SUZ12: variants seen among roughly 807,000 people sequenced by gnomAD.
The protein encoded by SUZ12 is polycomb protein SUZ12.
In SUZ12, 17 loss-of-function variants were observed where a neutral mutation model predicts 87.3. The ratio of observed to expected loss-of-function variants is 0.19; its 90% CI spans 0.13 to 0.29. SUZ12 has a LOEUF of 0.29. Ranked by LOEUF, SUZ12 falls within the 10% of genes least tolerant of loss-of-function variation. The probability of loss-of-function intolerance (pLI) is 1.00; values close to 1 mark genes in which losing one functional copy is unlikely to be tolerated. For missense variants in SUZ12, 526 were observed against 912.2 expected, an observed-to-expected ratio of 0.58 and a Z score of 5.45; for synonymous variants, 253 against 312.4, an observed-to-expected ratio of 0.81 and a Z score of 2.01.
chr17:31,985,158 CAAAAAAAAAA>C (rs34227080), intron 9 of SUZ12, among the ~76,000 whole-genome samples: 5 of 72,868 alleles, frequency 6.9e-5, no homozygotes, highest in South Asian at 4.6e-4. Flanking sequence ...GACTCTGTCT[CAAAAAAAAAA>C]AAAAAAAAAA....
chr17:31,958,449 G>A (rs527759854), intron 4 of SUZ12, among the ~76,000 whole-genome samples: 3 of 152,150 alleles, frequency 2.0e-5, no homozygotes, highest in Non-Finnish European at 4.4e-5. Context: ...GGTGACTCAC[G>A]CCTGTATCCC....
intron 4 of SUZ12, among the ~76,000 whole-genome samples, chr17:31,963,589 C>CGAGTTCAAGT (rs1255641777): frequency 6.6e-6 from 1 of 151,952 alleles, no homozygotes; most frequent in East Asian, 1.9e-4. Context: ...CTCCGCCCTC[C>CGAGTTCAAGT]GAGTTCAAGT....
chr17:31,957,561 G>A (rs1209662073), intron 4 of SUZ12, among the ~76,000 whole-genome samples: 1 of 151,922 alleles, frequency 6.6e-6, no homozygotes, highest in East Asian at 1.9e-4. Flanking sequence ...ACAGGTGCCT[G>A]CCACCACGCC....
chr17:31,951,060 G>A (rs1390869986), intron 4 of SUZ12, among the ~76,000 whole-genome samples: 2 of 152,144 alleles, frequency 1.3e-5, no homozygotes, highest in African/African-American at 2.4e-5. Flanking sequence ...GATTACAGGC[G>A]TGAGCCACCG....
intron 6 of SUZ12, among the ~76,000 whole-genome samples, chr17:31,974,800 C>T (rs1345280419): frequency 1.3e-5 from 2 of 152,100 alleles, no homozygotes; most frequent in African/African-American, 4.8e-5. Context: ...AAAGAAGTAG[C>T]TGCTGTAAGA....
chr17:31,946,678 G>C (rs140016041), intron 3 of SUZ12, among the ~76,000 whole-genome samples: 1,534 of 152,290 alleles, frequency 0.01, 10 homozygotes, highest in Middle Eastern at 0.024. Context: ...TAAAGAGGAA[G>C]GGACTATATG....
At chr17:31,943,359 TAC>T (rs1567811638) in intron 3 of SUZ12, among the ~76,000 whole-genome samples, 1 of 152,192 alleles carries the variant, frequency 6.6e-6, no homozygotes, top group African/African-American at 2.4e-5. Context: ...AGAAAAAATT[TAC>T]AGTTTTTTAA....
chr17:31,945,082 A>G (rs1266121702), intron 3 of SUZ12, among the ~76,000 whole-genome samples: 1 of 150,850 alleles, frequency 6.6e-6, no homozygotes, highest in Non-Finnish European at 1.5e-5. Flanking sequence ...AAAAAAAAAA[A>G]AAGTATGGGA....
Position 31,939,545 on chromosome 17 carries a change from G to A in SUZ12, c.275-741G>A, listed in dbSNP as rs182519395. 4.0e-5 allele frequency among the ~76,000 whole-genome samples: 6 copies of A among 148,370 alleles called. No homozygotes were observed. The East Asian group carries it at 5.9e-4, about 15-fold the overall frequency. On this transcript the variant is annotated intron_variant, in intron 1 of 15. Transcript: ENST00000322652. ...ACAATTTTTTTTTTTTTTTTGAGACGAAGTTTCGCTCTTTATTGCCCAGGC... is the reference window on the plus strand; with the variant it reads ...ACAATTTTTTTTTTTTTTTTGAGACAAAGTTTCGCTCTTTATTGCCCAGGC...
intron 4 of SUZ12, among the ~76,000 whole-genome samples, chr17:31,951,589 T>C (rs1345080797): frequency 2.6e-5 from 4 of 151,782 alleles, no homozygotes; most frequent in Non-Finnish European, 1.5e-5. Context: ...TTCACGCCAT[T>C]CTGCCTCAGC....
At chr17:31,955,011 G>GTT (rs1907225777) in intron 4 of SUZ12, among the ~76,000 whole-genome samples, 1 of 152,150 alleles carries the variant, frequency 6.6e-6, no homozygotes. Flanking sequence ...CTAAGAGGTG[G>GTT]GGTCTTGTTC....
intron 3 of SUZ12, among the ~76,000 whole-genome samples, chr17:31,944,812 ATATTTATTTGAGCG>A: frequency 6.6e-6 from 1 of 152,292 alleles, no homozygotes; most frequent in Middle Eastern, 3.4e-3. Flanking sequence ...GTGCAAGATT[ATATTTATTTGAGCG>A]TATCAAGTGA....
Position 31,937,431 on chromosome 17 carries a change from C to G in SUZ12, c.185C>G (p.Ala62Gly). 1.3e-6 allele frequency: 2 copies of G among 1,542,322 alleles called. No individual in the cohort carries two copies. Among genetic ancestry groups the G allele is most frequent in the Non-Finnish European group, 1.7e-6 (2 of 1,144,730 alleles). ...YSASSSSSAAAAAGAAVLPVK... is the reference protein window; with the variant it reads ...YSASSSSSAAGAAGAAVLPVK... ...GCCTCCTCCTCCTCCTCCGCGGCGG[C>G]AGCGGCGGGGGCTGCGGTGTTACCG... is the stretch of plus-strand genomic sequence containing the variant. Residue 62 changes from alanine to glycine, a missense_variant, in exon 1 of 16, where the codon GCA (alanine) becomes GGA (glycine). Physicochemically the swap from Ala to Gly is moderately conservative, Grantham distance 60. Coordinates refer to ENST00000322652, the MANE Select transcript of SUZ12 (RefSeq NM_015355.4).
At chr17:31,985,525 G>A (rs1210264371) in intron 9 of SUZ12, among the ~76,000 whole-genome samples, 3 of 151,468 alleles carry the variant, frequency 2.0e-5, no homozygotes, top group Non-Finnish European at 2.9e-5. Flanking sequence ...TATACTGTTT[G>A]GGTTTTCTGC....
At chr17:31,945,327 C>T (rs1214093607) in intron 3 of SUZ12, among the ~76,000 whole-genome samples, 1 of 152,102 alleles carries the variant, frequency 6.6e-6, no homozygotes, top group Non-Finnish European at 1.5e-5. Flanking sequence ...TAAAGTCATA[C>T]TCTCAGTCGT....
chr17:31,949,389 T>C (rs1906811296), intron 4 of SUZ12, among the ~76,000 whole-genome samples: 1 of 152,156 alleles, frequency 6.6e-6, no homozygotes, highest in African/African-American at 2.4e-5. Context: ...CTAGGACCAG[T>C]GAGTTGGCCA....
At chr17:31,996,134 C>T (rs182224788) in intron 14 of SUZ12, among the ~76,000 whole-genome samples, 2 of 152,226 alleles carry the variant, frequency 1.3e-5, no homozygotes, top group East Asian at 1.9e-4. Context: ...CGCTTAACCC[C>T]AGGAGATGGA....
chr17:31,978,556 G>C (rs1432049315), intron 8 of SUZ12, among the ~76,000 whole-genome samples: 2 of 152,068 alleles, frequency 1.3e-5, no homozygotes, highest in Admixed American at 1.3e-4. Flanking sequence ...GATTTAAATG[G>C]AAAACAATAG....
At position 31,995,097 on chromosome 17, in the gene SUZ12, A is replaced by AAAT. The variant is rs529132253; in HGVS notation, c.1595+387_1595+389dup. Among the ~76,000 whole-genome samples, 25 of 152,332 alleles carry AAAT rather than the reference A, an allele frequency of 1.6e-4. 1 individual carries two copies. In the East Asian group the frequency reaches 4.4e-3, roughly 27 times the overall value. ...GGCAACAAGAGCAAAACTTCGTCTC[A>AAAT]AATAATAATAATAGTAATAAAAAAA... On this transcript the variant is annotated intron_variant, in intron 13 of 15. Transcript: ENST00000322652.
Sources: allele counts gnomAD v4.1 joint callset (sites outside exome capture counted in the v4.1 genomes callset), GRCh38; gene constraint gnomAD v4.1.1; transcripts MANE v1.5; gene names NCBI Gene and HGNC (gene_info 2026-07-23, HGNC 2026-07-21).